Variants in BCAS3 observed in about 807,000 individuals in gnomAD.
The protein encoded by BCAS3 is BCAS4/BCAS3 fusion.
BCAS3 carries 53 observed loss-of-function variants against 116.1 expected under a neutral mutation model. The observed-to-expected ratio is 0.46, with a 90% CI of 0.37 to 0.57. The LOEUF (loss-of-function observed/expected upper bound fraction) is 0.57. Ranked by LOEUF, BCAS3 falls within the 20% of genes least tolerant of loss-of-function variation. The pLI is 0.00. For synonymous variants in BCAS3, 391 were observed against 408.2 expected (o/e 0.96, Z 0.51); for missense variants, 917 against 1,165.4 (o/e 0.79, Z 3.10).
chr17:61,237,018 G>C (rs1208902365), intron 22 of BCAS3, among the ~76,000 whole-genome samples: 2 of 152,158 alleles, frequency 1.3e-5, no homozygotes, highest in Non-Finnish European at 2.9e-5. Flanking sequence ...GGTAAAGCAA[G>C]AGGAAGCCAT....
intron 10 of BCAS3, among the ~76,000 whole-genome samples, chr17:60,890,733 A>T (rs2057087676): frequency 6.6e-6 from 1 of 152,216 alleles, no homozygotes; most frequent in Admixed American, 6.5e-5. Context: ...AGTACCCTGC[A>T]TGTGAATATA....
intron 14 of BCAS3, among the ~76,000 whole-genome samples, chr17:60,958,317 C>G (rs2061245801): frequency 6.6e-6 from 1 of 152,156 alleles, no homozygotes; most frequent in African/African-American, 2.4e-5. Context: ...TCAAAAATGA[C>G]ATGATTGTCT....
In BCAS3 at chr17:61,377,861, A is replaced by G. The variant is rs11079427; in HGVS notation, c.2593+9367A>G. The G allele has an allele frequency of 0.8, 121,057 of 152,234 alleles. 51,615 individuals are homozygous for G. Among genetic ancestry groups the G allele is most frequent in the Non-Finnish European group, 0.94 (63,774 of 68,026 alleles). The allele number at this position is 152,234 out of a possible 1,614,324, so 9.4% of individuals were successfully genotyped here. On this transcript the variant is annotated intron_variant, in intron 23 of 23. Transcript: ENST00000407086. The surrounding 1 kb of genome is among the most constrained non-coding windows in gnomAD (Gnocchi z 4.6). ...GAAACGAAAGATTTGAAGTGAGAGT[A>G]TAACTAAAAGATGTGGGATTAAAAT...
chr17:61,101,415 G>T (rs564344932), intron 22 of BCAS3, among the ~76,000 whole-genome samples: 1 of 152,238 alleles, frequency 6.6e-6, no homozygotes, highest in Admixed American at 6.5e-5. Flanking sequence ...ACCAGTGTTT[G>T]AAACTCACAA....
At chr17:60,703,932 A>G (rs556282436) in intron 4 of BCAS3, among the ~76,000 whole-genome samples, 101 of 151,854 alleles carry the variant, frequency 6.7e-4, no homozygotes, top group African/African-American at 2.1e-3. Flanking sequence ...AAAAAAAGAA[A>G]AAAAGAAAAA....
intron 22 of BCAS3, among the ~76,000 whole-genome samples, chr17:61,329,421 A>G (rs1005861958): frequency 2.7e-5 from 4 of 150,660 alleles, no homozygotes; most frequent in Admixed American, 6.6e-5. Context: ...GCTCACTGCA[A>G]GCTCCGCCTC....
chr17:61,050,184 T>C (rs149190815), intron 19 of BCAS3, among the ~76,000 whole-genome samples: 1 of 152,126 alleles, frequency 6.6e-6, no homozygotes, highest in Non-Finnish European at 1.5e-5. Context: ...TATGAAATGT[T>C]AAAGGGAGTC....
chr17:60,679,964 C>G (rs2032744231), intron 2 of BCAS3, among the ~76,000 whole-genome samples: 1 of 151,874 alleles, frequency 6.6e-6, no homozygotes, highest in Non-Finnish European at 1.5e-5. Flanking sequence ...CGGTGAAACC[C>G]TGTCTCTACT....
chr17:60,707,888 T>G (rs1327962594), intron 4 of BCAS3, among the ~76,000 whole-genome samples: 2 of 152,214 alleles, frequency 1.3e-5, no homozygotes, highest in Non-Finnish European at 2.9e-5. Context: ...TATTGTGGGA[T>G]TCAATTTGCT....
At chr17:60,848,806 C>T (rs185842173) in intron 7 of BCAS3, among the ~76,000 whole-genome samples, 1 of 150,862 alleles carries the variant, frequency 6.6e-6, no homozygotes, top group Admixed American at 6.6e-5. Flanking sequence ...TCAAGCAGTC[C>T]TCTGGCTTCA....
intron 11 of BCAS3, 82 bp downstream of exon 11, chr17:60,902,785 G>A: frequency 8.7e-7 from 1 of 1,150,806 alleles, no homozygotes; most frequent in Non-Finnish European, 1.3e-6. Context: ...ATTTTCTATT[G>A]TAATGATTGT....
At chr17:60,762,360 T>G (rs1186560528) in intron 6 of BCAS3, among the ~76,000 whole-genome samples, 3 of 152,246 alleles carry the variant, frequency 2.0e-5, no homozygotes, top group Non-Finnish European at 4.4e-5. Context: ...GTAATCCATC[T>G]TGAATTAATT....
In BCAS3 at chr17:60,696,460, G is replaced by T. The variant is rs113470229; in HGVS notation, c.214+6699G>T. 821 of 152,472 alleles carry T rather than the reference G, an allele frequency of 5.4e-3. 19 individuals are homozygous for T. The highest frequency in any genetic ancestry group is 0.019 in the African/African-American group (771 of 41,552). The allele number at this position is 152,472 out of a possible 1,614,324, so 9.4% of individuals were successfully genotyped here. A position where few individuals can be genotyped will look rare whatever the true frequency, so the allele number is the denominator to read the frequency against. On this transcript the variant is annotated intron_variant, in intron 4 of 23. Coordinates refer to ENST00000407086, the MANE Select transcript of BCAS3 (RefSeq NM_017679.5). ...CAGCATCAATATGGTGACTTCCCAG[G>T]AGTGGGGAACTACCAGGTTGCCTAA...
Position 61,265,562 on chromosome 17 carries a change from C to G in BCAS3, c.2426-102765C>G, listed in dbSNP as rs1299142007. The stretch of plus-strand genomic sequence containing the variant: ...ATTTCTGCTTCTGTGGGCCTGGTTT[C>G]TACAATCTTGTTTGGCTACAATTCA... On this transcript the variant is annotated intron_variant, in intron 22 of 23. Coordinates refer to ENST00000407086, the MANE Select transcript of BCAS3 (RefSeq NM_017679.5). The surrounding 1 kb of genome is among the most constrained non-coding windows in gnomAD (Gnocchi z 4.3). Among the ~76,000 whole-genome samples the G allele has an allele frequency of 2.0e-5, 3 of 152,190 alleles. No homozygotes were observed. Among genetic ancestry groups the G allele is most frequent in the Non-Finnish European group, 4.4e-5 (3 of 68,040 alleles).
At chr17:61,330,134 T>C (rs1355964846) in intron 22 of BCAS3, among the ~76,000 whole-genome samples, 1 of 152,168 alleles carries the variant, frequency 6.6e-6, no homozygotes, top group Non-Finnish European at 1.5e-5. Flanking sequence ...AAATTTCTAG[T>C]TCTTTTCATA....
At chr17:61,297,077 A>G (rs923727961) in intron 22 of BCAS3, among the ~76,000 whole-genome samples, 1 of 152,232 alleles carries the variant, frequency 6.6e-6, no homozygotes, top group African/African-American at 2.4e-5. Context: ...CCAATTATTT[A>G]TCGAAGTGAG....
At chr17:60,908,160 T>C (rs2058289942) in intron 11 of BCAS3, among the ~76,000 whole-genome samples, 1 of 152,184 alleles carries the variant, frequency 6.6e-6, no homozygotes, top group South Asian at 2.1e-4. Flanking sequence ...GTCATGTTTT[T>C]TTTTTCCCTA....
intron 6 of BCAS3, 69 bp from the exon 7 acceptor site, chr17:60,807,935 C>A: frequency 1.8e-6 from 2 of 1,084,500 alleles, no homozygotes; most frequent in Non-Finnish European, 2.7e-6. Flanking sequence ...ATTTTGAAAG[C>A]ATGAAAATAG....
In BCAS3 at chr17:61,339,732, C is replaced by T. The variant is rs2057000001; in HGVS notation, c.2426-28595C>T. Among the ~76,000 whole-genome samples the T allele has an allele frequency of 6.6e-6, 1 of 150,854 alleles. No individual in the cohort carries two copies. The highest frequency in any genetic ancestry group is 6.6e-5 in the Admixed American group (1 of 15,126). ...AGTGAGCTGAGATCGCGCCACTGTA[C>T]TCCAGTCGGGGCGACAAAGCGAGAC... On this transcript the variant is annotated intron_variant, in intron 22 of 23. Coordinates refer to ENST00000407086, the MANE Select transcript of BCAS3 (RefSeq NM_017679.5). This position sits in a 1 kb window ranked among gnomAD's most constrained non-coding sequence, Gnocchi z 4.4.
Sources: gnomAD v4.1 joint callset for allele counts (sites outside exome capture counted in the v4.1 genomes callset) on GRCh38, gnomAD v4.1.1 for gene constraint, Gnocchi (gnomAD v3.1) non-coding constraint, MANE v1.5 for transcripts, NCBI Gene and HGNC (gene_info 2026-07-23, HGNC 2026-07-21) for gene names.